MYO10: variants seen among roughly 807,000 people sequenced by gnomAD.
MYO10 encodes myosin X, also known as unconventional myosin-X.
Under a neutral mutation model 257.3 loss-of-function variants are expected in MYO10, and 133 were observed. That is an observed-to-expected ratio of 0.52 (90% CI 0.45 to 0.60). The LOEUF is 0.60. Ranked by LOEUF, MYO10 falls within the 20% of genes least tolerant of loss-of-function variation. The pLI is 0.00. For missense variants in MYO10, 2,399 were observed against 2,635.7 expected (o/e 0.91, Z 1.97); for synonymous variants, 1,104 against 1,028.6 (o/e 1.07, Z -1.40).
At chr5:16,819,431 A>G (rs1742734061) in intron 2 of MYO10, among the ~76,000 whole-genome samples, 1 of 152,166 alleles carries the variant, frequency 6.6e-6, no homozygotes, top group Non-Finnish European at 1.5e-5. Flanking sequence ...AGCTTTACAA[A>G]CTCAAGCAAT....
chr5:16,773,661 C>CAAAA, intron 9 of MYO10, among the ~76,000 whole-genome samples: 1 of 113,070 alleles, frequency 8.8e-6, no homozygotes, highest in African/African-American at 3.6e-5. Flanking sequence ...GACCTTGTCT[C>CAAAA]AAAAAAAAAA....
chr5:16,889,705 A>C (rs1358789118), intron 1 of MYO10, among the ~76,000 whole-genome samples: 1 of 151,784 alleles, frequency 6.6e-6, no homozygotes. Context: ...AAAGCACACA[A>C]AACAAAACAG....
At chr5:16,894,897 G>A (rs1317300317) in intron 1 of MYO10, among the ~76,000 whole-genome samples, 3 of 152,290 alleles carry the variant, frequency 2.0e-5, no homozygotes, top group Admixed American at 6.5e-5. Context: ...CCAAGTGCCA[G>A]TGTAGACTAA....
chr5:16,926,237 A>G (rs919983916), intron 1 of MYO10, among the ~76,000 whole-genome samples: 5 of 152,240 alleles, frequency 3.3e-5, no homozygotes, highest in Non-Finnish European at 5.9e-5. Flanking sequence ...CGGATATTCA[A>G]CCTGGATAAT....
rs1303216249 is a variant in MYO10 at position 16,935,886 on chromosome 5, C to G, written c.-78G>C. On this transcript the variant is annotated 5_prime_UTR_variant, in exon 1 of 41. An upstream start codon of the reference 5' UTR is lost. Coordinates refer to ENST00000513610, the MANE Select transcript of MYO10 (RefSeq NM_012334.3). ...AGCGCCGCCGCGGGTCCGGGGAAACCATGCGTGTCACGGCGCCACTCCCGA... is the reference window on the plus strand; with the variant it reads ...AGCGCCGCCGCGGGTCCGGGGAAACGATGCGTGTCACGGCGCCACTCCCGA... 6 of 1,568,894 alleles carry G rather than the reference C, an allele frequency of 3.8e-6. No individual in the cohort carries two copies. The highest frequency in any genetic ancestry group is 4.3e-6 in the Non-Finnish European group (5 of 1,153,496).
intron 15 of MYO10, 32 bp downstream of exon 15, chr5:16,762,513 A>G (rs1293654781): frequency 1.3e-6 from 2 of 1,520,210 alleles, no homozygotes; most frequent in Non-Finnish European, 1.8e-6. Flanking sequence ...GTGCTACTCC[A>G]ATGTGATGAA....
intron 3 of MYO10, among the ~76,000 whole-genome samples, chr5:16,810,177 C>G (rs1446979097): frequency 6.6e-6 from 1 of 152,062 alleles, no homozygotes; most frequent in Non-Finnish European, 1.5e-5. Flanking sequence ...GATCCAGGGC[C>G]AGAGAGCACA....
intron 1 of MYO10, chr5:16,902,682 G>T: frequency 1.0e-6 from 1 of 994,984 alleles, no homozygotes; most frequent in Non-Finnish European, 1.6e-6. Context: ...CTAATTTTTT[G>T]TATTTTTAGT....
At chr5:16,899,661 AT>A (rs2126782871) in intron 1 of MYO10, among the ~76,000 whole-genome samples, 1 of 151,984 alleles carries the variant, frequency 6.6e-6, no homozygotes, top group African/African-American at 2.4e-5. Context: ...AATGTGATAA[AT>A]CAGAATTGCT....
At chr5:16,830,894 G>T (rs988273770) in intron 2 of MYO10, among the ~76,000 whole-genome samples, 3 of 152,160 alleles carry the variant, frequency 2.0e-5, no homozygotes, top group African/African-American at 7.2e-5. Context: ...ACTGGTGGTT[G>T]CCAGAGGCTA....
intron 4 of MYO10, among the ~76,000 whole-genome samples, chr5:16,787,438 C>G (rs1317759749): frequency 6.6e-6 from 1 of 152,076 alleles, no homozygotes; most frequent in Non-Finnish European, 1.5e-5. Context: ...ACATTTCTGT[C>G]TAACCCGTCT....
At chr5:16,812,146 C>G (rs1742461553) in intron 3 of MYO10, among the ~76,000 whole-genome samples, 2 of 152,146 alleles carry the variant, frequency 1.3e-5, no homozygotes, top group Admixed American at 6.5e-5. Context: ...AAACCTGGGG[C>G]CCCTGGCTGG....
intron 33 of MYO10, among the ~76,000 whole-genome samples, chr5:16,679,473 C>T (rs145072284): frequency 3.3e-5 from 5 of 151,598 alleles, no homozygotes; most frequent in South Asian, 4.2e-4. Flanking sequence ...TTTAGATTCC[C>T]GAAAGCAGGG....
chr5:16,691,876 G>T (rs929033497), intron 27 of MYO10, among the ~76,000 whole-genome samples: 4 of 152,270 alleles, frequency 2.6e-5, no homozygotes, highest in South Asian at 2.1e-4. Context: ...AGAAACAAAT[G>T]AGAAAGAGAA....
Position 16,689,835 on chromosome 5 carries a change from T to C in MYO10, c.3885A>G (p.Pro1295=). The C allele has an allele frequency of 1.2e-6, 2 of 1,612,500 alleles. No homozygotes were observed. The highest frequency in any genetic ancestry group is 2.2e-5 in the South Asian group (2 of 91,036). The change falls in exon 28 of 41, where the codon CCA becomes CCG. Residue 1295 remains proline, a synonymous_variant. Coordinates refer to ENST00000513610, the MANE Select transcript of MYO10 (RefSeq NM_012334.3). Reference sequence around the variant, plus strand: ...CAGCGCAGACTCACCTGGCATCTTCTGGGGACTCTGCAATCAGGTGGAAAG... The same window carrying C: ...CAGCGCAGACTCACCTGGCATCTTCCGGGGACTCTGCAATCAGGTGGAAAG... The part of the protein sequence containing the change: ...DRTFHLIAES[P]EDASQWFSVL...
Position 16,685,834 on chromosome 5 carries a change from G to A in MYO10, c.3897-3C>T, listed in dbSNP as rs1737229407. 1 of 1,586,494 alleles carries A rather than the reference G, an allele frequency of 6.3e-7. No homozygotes were observed. On this transcript the variant is annotated splice_region_variant and splice_polypyrimidine_tract_variant and intron_variant, in intron 28 of 40. Transcript: ENST00000513610. ...GACTCAGCACGCTGAACCACTGGCT[G>A]TGGGGAAGAGAGAGCAACTGTCAAG...
At chr5:16,695,538 A>G (rs542139311) in intron 26 of MYO10, among the ~76,000 whole-genome samples, 5 of 152,184 alleles carry the variant, frequency 3.3e-5, no homozygotes, top group African/African-American at 1.2e-4. Context: ...AAAAAAAAAA[A>G]AGAAAGCAAG....
At chr5:16,889,298 C>T (rs968034278) in intron 1 of MYO10, among the ~76,000 whole-genome samples, 6 of 151,008 alleles carry the variant, frequency 4.0e-5, no homozygotes, top group Non-Finnish European at 8.8e-5. Flanking sequence ...CCCAGGCAGT[C>T]GGGAGGCTGA....
chr5:16,731,199 C>T (rs1253207247), intron 19 of MYO10, among the ~76,000 whole-genome samples: 1 of 151,952 alleles, frequency 6.6e-6, no homozygotes, highest in East Asian at 1.9e-4. Flanking sequence ...TGCCCGCCAC[C>T]ATACCTGGCT....
Sources: allele counts gnomAD v4.1 joint callset (sites outside exome capture counted in the v4.1 genomes callset), GRCh38; gene constraint gnomAD v4.1.1; transcripts MANE v1.5; gene names NCBI Gene and HGNC (gene_info 2026-07-23, HGNC 2026-07-21).